Variants in PTPN11 observed in about 807,000 individuals in gnomAD.
The protein encoded by PTPN11 is protein tyrosine phosphatase non-receptor type 11, also known as tyrosine-protein phosphatase non-receptor type 11.
In PTPN11, 6 loss-of-function variants were observed where a neutral mutation model predicts 78.8. The ratio of observed to expected loss-of-function variants is 0.08; its 90% CI spans 0.04 to 0.15. The LOEUF (loss-of-function observed/expected upper bound fraction) is 0.15, where lower values mean the gene tolerates loss of function less well. Among genes scored for constraint, PTPN11 ranks in the 10% least tolerant of loss-of-function variants. PTPN11 has a pLI of 1.00. For synonymous variants in PTPN11, 221 were observed against 263.5 expected, an observed-to-expected ratio of 0.84 and a Z score of 1.56; for missense variants, 386 against 744.8, an observed-to-expected ratio of 0.52 and a Z score of 5.61.
At chr12:112,492,578 T>C (rs1592856920) in intron 13 of PTPN11, among the ~76,000 whole-genome samples, 2 of 151,366 alleles carry the variant, frequency 1.3e-5, no homozygotes, top group Middle Eastern at 6.8e-3. Flanking sequence ...AGTGCAGTGG[T>C]GCAATCTCGG....
intron 6 of PTPN11, among the ~76,000 whole-genome samples, chr12:112,463,552 T>C (rs375238333): frequency 6.6e-6 from 1 of 152,222 alleles, no homozygotes; most frequent in South Asian, 2.1e-4. Flanking sequence ...GAAGGAACTC[T>C]TAGCCTGACT....
In PTPN11 at chr12:112,453,358, A is replaced by G; in HGVS notation, c.496A>G (p.Lys166Glu). The stretch of plus-strand genomic sequence containing the variant: ...AGGGGAGAGCAATGACGGCAAGTCT[A>G]AAGTGACCCATGTTATGATTCGCTG... ...DKGESNDGKS[K>E]VTHVMIRCQE... is the part of the protein sequence containing the mutation. Residue 166 changes from lysine (K) to glutamate (E), a missense_variant, in exon 4 of 16, where the codon AAA (lysine) becomes GAA (glutamate). Around this residue, in one of 3 missense-constraint regions of PTPN11, gnomAD observed 279 missense variants for 503.3 expected, o/e 0.55. Coordinates refer to ENST00000351677, the MANE Select transcript of PTPN11 (RefSeq NM_002834.5). 2 of 1,614,148 alleles carry G rather than the reference A, an allele frequency of 1.2e-6. No homozygotes were observed. The highest frequency in any genetic ancestry group is 1.7e-6 in the Non-Finnish European group (2 of 1,180,022).
At chr12:112,427,282 C>T (rs1487559543) in intron 1 of PTPN11, among the ~76,000 whole-genome samples, 4 of 151,112 alleles carry the variant, frequency 2.6e-5, no homozygotes, top group Admixed American at 6.6e-5. Flanking sequence ...CGTGGTGGCT[C>T]ACACCTGTAA....
chr12:112,461,748 G>A (rs2038251879), intron 6 of PTPN11, among the ~76,000 whole-genome samples: 1 of 152,116 alleles, frequency 6.6e-6, no homozygotes, highest in South Asian at 2.1e-4. Flanking sequence ...GATTATAGGT[G>A]TACTACAGGC....
rs1412547888 is a variant in PTPN11 at position 112,453,516 on chromosome 12, A to ATTTATTTT, written c.525+132_525+133insATTTTTTT. The ATTTATTTT allele has an allele frequency of 5.8e-5, 46 of 793,454 alleles. No individual in the cohort carries two copies. In the African/African-American group the frequency reaches 8.1e-4, roughly 14 times the overall value. 49.2% of individuals were successfully genotyped at this position (793,454 alleles called of 1,614,324 possible). ...TATTTATTTATTTATTTATTTATTT[A>ATTTATTTT]TTTGAGACAGGGTCTTGCTCTATCA... On this transcript the variant is annotated intron_variant, in intron 4 of 15. Coordinates refer to ENST00000351677, the MANE Select transcript of PTPN11 (RefSeq NM_002834.5).
chr12:112,442,866 ATATATATATAT>A (rs1566162760), intron 1 of PTPN11, among the ~76,000 whole-genome samples: 4 of 87,846 alleles, frequency 4.6e-5, no homozygotes, highest in East Asian at 4.9e-4. Context: ...ATATATATAT[ATATATATATAT>A]AAATTATATA....
rs1222307839 is a variant in PTPN11 at position 112,508,227 on chromosome 12, G to A, written c.*2435G>A. ...ATTTCATTTAGATTTCCCTCCACGA[G>A]GTCAGCAAACTATCATGTTCTTATG... On this transcript the variant is annotated 3_prime_UTR_variant, in exon 16 of 16. Coordinates refer to ENST00000351677, the MANE Select transcript of PTPN11 (RefSeq NM_002834.5). 2.0e-5 allele frequency: 3 copies of A among 152,614 alleles called. No individual in the cohort carries two copies. The highest frequency in any genetic ancestry group is 4.4e-5 in the Non-Finnish European group (3 of 68,040). 9.5% of individuals were successfully genotyped at this position (152,614 alleles called of 1,614,324 possible).
At chr12:112,419,193 C>A (rs1028324708) in intron 1 of PTPN11, 68 bp downstream of exon 1, 37 of 1,368,780 alleles carry the variant, frequency 2.7e-5, no homozygotes, top group Middle Eastern at 2.6e-4. Flanking sequence ...TAGCCCCGTC[C>A]GGAAGGGGGC....
chr12:112,449,320 A>G (rs1186226479), intron 2 of PTPN11, among the ~76,000 whole-genome samples: 2 of 148,578 alleles, frequency 1.3e-5, no homozygotes, highest in Admixed American at 6.7e-5. Flanking sequence ...CCTGGCTAAC[A>G]TGGTGAAACC....
At chr12:112,468,594 A>G (rs2038365779) in intron 6 of PTPN11, among the ~76,000 whole-genome samples, 1 of 152,262 alleles carries the variant, frequency 6.6e-6, no homozygotes, top group East Asian at 1.9e-4. Context: ...GCTGTTAGCT[A>G]TTATCAATCT....
At chr12:112,467,319 A>G (rs1243536215) in intron 6 of PTPN11, among the ~76,000 whole-genome samples, 2 of 152,112 alleles carry the variant, frequency 1.3e-5, no homozygotes, top group African/African-American at 4.8e-5. Context: ...TAGGTAATTT[A>G]TAAAGACAAG....
At chr12:112,438,520 C>T (rs920250454) in intron 1 of PTPN11, among the ~76,000 whole-genome samples, 1 of 151,854 alleles carries the variant, frequency 6.6e-6, no homozygotes, top group Admixed American at 6.6e-5. Flanking sequence ...CTTGCTCTGT[C>T]CCCCAGATTG....
chr12:112,446,484 A>G, intron 2 of PTPN11, 86 bp downstream of exon 2: 1 of 1,596,358 alleles, frequency 6.3e-7, no homozygotes, highest in Non-Finnish European at 8.6e-7. Context: ...TGCTGCCTGC[A>G]TTTCGAGTTT....
chr12:112,450,366 C>T lies in PTPN11; in HGVS notation c.186C>T (p.Tyr62=), dbSNP rs2135862137. 6.2e-7 allele frequency: 1 copy of T among 1,613,214 alleles called. No individual in the cohort carries two copies. The highest frequency in any genetic ancestry group is 1.1e-5 in the South Asian group (1 of 91,052). ...TCAAGATTCAGAACACTGGTGATTACTATGACCTGTATGGAGGGGAGAAAT... is the reference window on the plus strand; with the variant it reads ...TCAAGATTCAGAACACTGGTGATTATTATGACCTGTATGGAGGGGAGAAAT... ...THIKIQNTGD[Y]YDLYGGEKFA... Residue 62 remains tyrosine (Y), a synonymous_variant, in exon 3 of 16, where the codon TAC becomes TAT. Transcript: ENST00000351677.
At chr12:112,502,313 A>C in intron 14 of PTPN11, 57 bp downstream of exon 14, 2 of 1,424,572 alleles carry the variant, frequency 1.4e-6, no homozygotes, top group East Asian at 4.5e-5. Context: ...AAAAAGGTTT[A>C]AAAAACAAAA....
chr12:112,500,208 A>C (rs1366303330), intron 13 of PTPN11, among the ~76,000 whole-genome samples: 2 of 152,124 alleles, frequency 1.3e-5, no homozygotes, highest in Non-Finnish European at 2.9e-5. Flanking sequence ...ACACCACTGC[A>C]CTCCAGCCTG....
intron 6 of PTPN11, among the ~76,000 whole-genome samples, chr12:112,459,267 A>C (rs1008796448): frequency 6.6e-6 from 1 of 152,136 alleles, no homozygotes; most frequent in Admixed American, 6.6e-5. Context: ...GATTGTTCCA[A>C]AACTTTTTAG....
At chr12:112,460,822 C>G (rs1410074913) in intron 6 of PTPN11, among the ~76,000 whole-genome samples, 1 of 152,162 alleles carries the variant, frequency 6.6e-6, no homozygotes, top group African/African-American at 2.4e-5. Flanking sequence ...AGCCTAGAGA[C>G]AGAGTGCGGC....
At chr12:112,436,773 G>A (rs2037798643) in intron 1 of PTPN11, among the ~76,000 whole-genome samples, 1 of 150,632 alleles carries the variant, frequency 6.6e-6, no homozygotes, top group Non-Finnish European at 1.5e-5. Context: ...GTTGTAAGTT[G>A]TCCGCCTCTG....
Sources: allele counts gnomAD v4.1 joint callset (sites outside exome capture counted in the v4.1 genomes callset), GRCh38; gene constraint gnomAD v4.1.1; regional missense constraint gnomAD v4.1.1; transcripts MANE v1.5; gene names NCBI Gene and HGNC (gene_info 2026-07-23, HGNC 2026-07-21).